Variants in CLINT1 observed in about 807,000 individuals in gnomAD.
The protein encoded by CLINT1 is clathrin interactor 1.
Under a neutral mutation model 70.4 loss-of-function variants are expected in CLINT1, and 15 were observed. That is an observed-to-expected ratio of 0.21 (90% CI 0.14 to 0.33). The LOEUF is 0.33. Ranked by LOEUF, CLINT1 falls within the 10% of genes least tolerant of loss-of-function variation. The pLI is 1.00. For missense variants in CLINT1, 615 were observed against 778.1 expected (o/e 0.79, Z 2.49); for synonymous variants, 227 against 254.7 (o/e 0.89, Z 1.04).
At chr5:157,816,582 G>T (rs1219388474) in intron 3 of CLINT1, among the ~76,000 whole-genome samples, 152 bp downstream of exon 3, 14 of 152,112 alleles carry the variant, frequency 9.2e-5, no homozygotes, top group Admixed American at 9.2e-4. Context: ...CTAGAAAATA[G>T]AACACAAATA....
At chr5:157,816,684 A>C in intron 3 of CLINT1, 50 bp downstream of exon 3, 1 of 1,306,206 alleles carries the variant, frequency 7.7e-7, no homozygotes, top group Non-Finnish European at 1.1e-6. Flanking sequence ...TTCAATTTCC[A>C]GCATTTGTTT....
chr5:157,853,605 C>T (rs189915814), intron 1 of CLINT1, among the ~76,000 whole-genome samples: 52 of 150,632 alleles, frequency 3.5e-4, no homozygotes, highest in African/African-American at 4.9e-5. Context: ...GACGAAATCT[C>T]GTCTCTACTA....
chr5:157,837,314 C>T lies in CLINT1; in HGVS notation c.42-19767G>A, dbSNP rs1478164563. On this transcript the variant is annotated intron_variant, in intron 1 of 11. Transcript: ENST00000411809. Reference sequence around the variant, plus strand: ...CTACATGGGAGGTTGAGGTCAAGGCCGCAGTGGGCTAGATTGTGCCACTGC... The same window carrying T: ...CTACATGGGAGGTTGAGGTCAAGGCTGCAGTGGGCTAGATTGTGCCACTGC... 9.2e-5 allele frequency among the ~76,000 whole-genome samples: 14 copies of T among 151,972 alleles called. 1 individual carries two copies. Among genetic ancestry groups the T allele is most frequent in the African/African-American group, 1.7e-4 (7 of 41,380 alleles).
chr5:157,845,741 A>G (rs544958324), intron 1 of CLINT1, among the ~76,000 whole-genome samples: 99 of 151,996 alleles, frequency 6.5e-4, no homozygotes, highest in Non-Finnish European at 1.2e-3. Flanking sequence ...TTTTTAGTAG[A>G]GACGGGGTTT....
intron 1 of CLINT1, among the ~76,000 whole-genome samples, chr5:157,843,966 T>C (rs1021106791): frequency 4.6e-5 from 7 of 152,112 alleles, no homozygotes; most frequent in African/African-American, 1.7e-4. Flanking sequence ...ATCAAAAGTA[T>C]ATAACTGTAA....
At chr5:157,808,429 C>G (rs1403474497) in intron 6 of CLINT1, among the ~76,000 whole-genome samples, 1 of 152,072 alleles carries the variant, frequency 6.6e-6, no homozygotes, top group Non-Finnish European at 1.5e-5. Context: ...GGTTCCATCA[C>G]TAACTGTGTT....
intron 1 of CLINT1, among the ~76,000 whole-genome samples, chr5:157,827,607 G>C (rs1763081007): frequency 6.6e-6 from 1 of 152,154 alleles, no homozygotes; most frequent in Non-Finnish European, 1.5e-5. Context: ...TTATGTAACA[G>C]ATGTGCAAAG....
intron 10 of CLINT1, among the ~76,000 whole-genome samples, chr5:157,790,842 TTTC>T (rs1761879745): frequency 2.0e-5 from 3 of 152,172 alleles, no homozygotes; most frequent in African/African-American, 7.2e-5. Context: ...TTTGGTTGTT[TTTC>T]TTTATGAAAA....
intron 1 of CLINT1, among the ~76,000 whole-genome samples, chr5:157,856,742 C>T (rs191571199): frequency 3.7e-4 from 57 of 152,274 alleles, no homozygotes; most frequent in Non-Finnish European, 1.6e-4. Flanking sequence ...CAGACACCCA[C>T]AAAAGCCTTA....
chr5:157,805,182 T>G (rs1271010927), intron 7 of CLINT1, among the ~76,000 whole-genome samples: 1 of 152,208 alleles, frequency 6.6e-6, no homozygotes, highest in Non-Finnish European at 1.5e-5. Context: ...AAAACTGTTT[T>G]TCCCAGCTTT....
intron 1 of CLINT1, among the ~76,000 whole-genome samples, chr5:157,853,357 A>G (rs1004016497): frequency 6.6e-5 from 10 of 152,094 alleles, no homozygotes; most frequent in East Asian, 1.9e-4. Context: ...AAGAAAGAAA[A>G]AAAAAAAAGT....
chr5:157,842,632 G>T (rs1320060901), intron 1 of CLINT1, among the ~76,000 whole-genome samples: 2 of 152,138 alleles, frequency 1.3e-5, no homozygotes, highest in African/African-American at 4.8e-5. Flanking sequence ...TTTGAAAGTT[G>T]CTTTGCAAAT....
chr5:157,823,031 C>A (rs976992704), intron 1 of CLINT1, among the ~76,000 whole-genome samples: 1 of 152,008 alleles, frequency 6.6e-6, no homozygotes, highest in Non-Finnish European at 1.5e-5. Flanking sequence ...TAAAAAAAAA[C>A]TGAAGTCAAA....
At chr5:157,792,255 T>C (rs1761938537) in intron 9 of CLINT1, among the ~76,000 whole-genome samples, 1 of 150,738 alleles carries the variant, frequency 6.6e-6, no homozygotes, top group African/African-American at 2.4e-5. Flanking sequence ...GAATTTACCA[T>C]AAAAAAAAAT....
At chr5:157,790,958 A>T (rs3822720) in intron 10 of CLINT1, among the ~76,000 whole-genome samples, 20,383 of 152,240 alleles carry the variant, frequency 0.13, 1,801 homozygotes, top group African/African-American at 0.25. Context: ...CCATATTAGC[A>T]ATAATTATTT....
chr5:157,815,213 T>C (rs1189571307), intron 3 of CLINT1, among the ~76,000 whole-genome samples: 1 of 151,818 alleles, frequency 6.6e-6, no homozygotes, highest in Non-Finnish European at 1.5e-5. Flanking sequence ...GGCAGGAGGA[T>C]CTCTTGAGCC....
intron 1 of CLINT1, among the ~76,000 whole-genome samples, chr5:157,849,872 C>T (rs771349438): frequency 6.6e-6 from 1 of 152,168 alleles, no homozygotes; most frequent in Non-Finnish European, 1.5e-5. Context: ...AATATTTGAG[C>T]GCCTACTATG....
chr5:157,796,665 C>T (rs1005698224), intron 8 of CLINT1, among the ~76,000 whole-genome samples: 2 of 152,188 alleles, frequency 1.3e-5, no homozygotes, highest in Non-Finnish European at 2.9e-5. Context: ...ATTGTCTTAT[C>T]GCTGAAAGAC....
chr5:157,828,541 A>G (rs561070204), intron 1 of CLINT1, among the ~76,000 whole-genome samples: 1 of 152,316 alleles, frequency 6.6e-6, no homozygotes, highest in East Asian at 1.9e-4. Context: ...AAACCATATG[A>G]AAACAGCTGT....
Sources: gnomAD v4.1 joint callset for allele counts (sites outside exome capture counted in the v4.1 genomes callset) on GRCh38, gnomAD v4.1.1 for gene constraint, MANE v1.5 for transcripts, NCBI Gene and HGNC (gene_info 2026-07-23, HGNC 2026-07-21) for gene names.